The following GNPAT variants were observed in gnomAD, a reference collection of about 807,000 sequenced individuals.
The protein encoded by GNPAT is glyceronephosphate O-acyltransferase.
A neutral mutation model predicts 78.4 loss-of-function variants in GNPAT; 30 were observed. The observed-to-expected ratio is 0.38, with a 90% CI of 0.29 to 0.52. The LOEUF (loss-of-function observed/expected upper bound fraction) is 0.52. Among genes scored for constraint, GNPAT ranks in the 20% least tolerant of loss-of-function variants. The probability of loss-of-function intolerance (pLI) is 0.84; values close to 1 mark genes in which losing one functional copy is unlikely to be tolerated. For missense variants in GNPAT, 714 were observed against 812.2 expected, an observed-to-expected ratio of 0.88 and a Z score of 1.47; for synonymous variants, 271 against 281.1, an observed-to-expected ratio of 0.96 and a Z score of 0.36.
At chr1:231,259,775 C>T (rs142288435) in intron 2 of GNPAT, among the ~76,000 whole-genome samples, 151 of 152,158 alleles carry the variant, frequency 9.9e-4, no homozygotes, top group African/African-American at 3.4e-3. Flanking sequence ...CTGAGCTCAT[C>T]CTAAAGCAAA....
Position 231,260,641 on chromosome 1 carries a change from A to G in GNPAT, c.396A>G (p.Gln132=), listed in dbSNP as rs2102813286. 6 of 1,613,328 alleles carry G rather than the reference A, an allele frequency of 3.7e-6. No homozygotes were observed. Among genetic ancestry groups the G allele is most frequent in the Middle Eastern group, 3.3e-4 (2 of 6,060 alleles). ...CAFTLSKVFK[Q]IFSKVCVNEE... ...TCACCCTGAGCAAAGTATTTAAACA[A>G]ATTTTCTCGAAGGTGTGTGTAAATG... Residue 132 remains glutamine, a synonymous_variant, in exon 3 of 16, where the codon CAA becomes CAG. Transcript: ENST00000366647.
chr1:231,251,023 C>G lies in GNPAT; in HGVS notation c.141C>G (p.Asp47Glu). 1 of 1,609,318 alleles carries G rather than the reference C, an allele frequency of 6.2e-7. No homozygotes were observed. The highest frequency in any genetic ancestry group is 1.1e-5 in the South Asian group (1 of 90,994). Residue 47 changes from aspartate to glutamate, a missense_variant, in exon 2 of 16, where the codon GAC (aspartate) becomes GAG (glutamate). Asp to Glu is a conservative substitution (Grantham distance 45). Transcript: ENST00000366647. Reference sequence around the variant, plus strand: ...TAGAAGAGAGGAGGCATGTCAGTGACTTGAAATTTGCAATGAAATGCTACA... The same window carrying G: ...TAGAAGAGAGGAGGCATGTCAGTGAGTTGAAATTTGCAATGAAATGCTACA... ...DILEERRHVSDLKFAMKCYTP... is the reference protein window; with the variant it reads ...DILEERRHVSELKFAMKCYTP...
rs10693276 is a variant in GNPAT at position 231,256,479 on chromosome 1, C to CTTTTTTTT, written c.262-4010_262-4003dup. ...CAGTCACTAAGACTGCTAATTTTCT[C>CTTTTTTTT]TTTTTTTTTTTTTTTTTTTTTTTTT... On this transcript the variant is annotated intron_variant, in intron 2 of 15. Transcript: ENST00000366647. Among the ~76,000 whole-genome samples, 45 of 75,912 alleles carry CTTTTTTTT rather than the reference C, an allele frequency of 5.9e-4. 2 individuals carry two copies. The highest frequency in any genetic ancestry group is 1.1e-3 in the African/African-American group (19 of 17,866). 49.8% of individuals were successfully genotyped at this position (75,912 alleles called of 152,430 possible).
intron 8 of GNPAT, 57 bp downstream of exon 8, chr1:231,266,464 G>C: frequency 7.0e-7 from 1 of 1,419,302 alleles, no homozygotes; most frequent in Non-Finnish European, 1.0e-6. Context: ...CCAAAGGTGT[G>C]AGTTGCAATG....
chr1:231,275,289 C>G lies in GNPAT; in HGVS notation c.1812C>G (p.Val604=). 6.2e-7 allele frequency: 1 copy of G among 1,612,720 alleles called. No individual in the cohort carries two copies. Among genetic ancestry groups the G allele is most frequent in the Non-Finnish European group, 8.5e-7 (1 of 1,178,658 alleles). The change falls in exon 13 of 16, where the codon GTC becomes GTG. Residue 604 remains valine (V), a synonymous_variant. Coordinates refer to ENST00000366647, the MANE Select transcript of GNPAT (RefSeq NM_014236.4). ...GTGAGGAACAGTACTTGGCTGCAGT[C>G]AGAAAATTCACAAGTCAGCTTCTCG... ...HFSEEQYLAA[V]RKFTSQLLDQ...
chr1:231,260,290 G>T (rs1341904952), intron 2 of GNPAT, among the ~76,000 whole-genome samples: 2 of 152,102 alleles, frequency 1.3e-5, no homozygotes, highest in Non-Finnish European at 2.9e-5. Flanking sequence ...TGCTATCCTA[G>T]AAAGCCATTT....
intron 2 of GNPAT, among the ~76,000 whole-genome samples, chr1:231,258,626 T>TTTTC (rs1685131783): frequency 8.4e-6 from 1 of 118,676 alleles, no homozygotes; most frequent in Non-Finnish European, 1.8e-5. Context: ...AATGCAATTT[T>TTTTC]TTTTTTTTTT....
chr1:231,245,208 C>T (rs190544921), intron 1 of GNPAT, among the ~76,000 whole-genome samples: 4 of 152,046 alleles, frequency 2.6e-5, no homozygotes, highest in Admixed American at 6.6e-5. Context: ...CATTAGTTGC[C>T]TAATTTTCTT....
intron 9 of GNPAT, chr1:231,269,997 A>G (rs968936569): frequency 2.6e-5 from 4 of 152,692 alleles, no homozygotes; most frequent in African/African-American, 9.6e-5. Context: ...GGAGGAAGCC[A>G]TACCTCTCAC....
At chr1:231,263,785 T>C (rs1307232800) in intron 4 of GNPAT, among the ~76,000 whole-genome samples, 1 of 152,192 alleles carries the variant, frequency 6.6e-6, no homozygotes, top group East Asian at 1.9e-4. Flanking sequence ...TATAATAATT[T>C]TAATGAGTGT....
intron 4 of GNPAT, among the ~76,000 whole-genome samples, chr1:231,263,585 AT>A (rs1685284691): frequency 6.6e-6 from 1 of 152,008 alleles, no homozygotes; most frequent in African/African-American, 2.4e-5. Flanking sequence ...CCTGCTTTCC[AT>A]TTTTTTATAT....
intron 1 of GNPAT, among the ~76,000 whole-genome samples, chr1:231,247,427 G>C (rs10495306): frequency 0.056 from 8,504 of 152,222 alleles, 341 homozygotes; most frequent in Non-Finnish European, 0.082. Context: ...AAGTGTTTTA[G>C]AGACCATCTT....
chr1:231,245,721 G>A (rs1415874955), intron 1 of GNPAT, among the ~76,000 whole-genome samples: 1 of 152,226 alleles, frequency 6.6e-6, no homozygotes, highest in Non-Finnish European at 1.5e-5. Context: ...TGTAATCCCA[G>A]CACTTTGGGA....
At chr1:231,256,479 C>CTTTTTTTTTT (rs10693276) in intron 2 of GNPAT, among the ~76,000 whole-genome samples, 9 of 75,916 alleles carry the variant, frequency 1.2e-4, no homozygotes, top group Admixed American at 2.0e-4. Flanking sequence ...CTAATTTTCT[C>CTTTTTTTTTT]TTTTTTTTTT....
intron 11 of GNPAT, 151 bp from the exon 12 acceptor site, chr1:231,273,771 A>G (rs1685632881): frequency 4.4e-6 from 3 of 679,940 alleles, no homozygotes; most frequent in African/African-American, 3.6e-5. Flanking sequence ...AGGTTGGGGA[A>G]ATAGCTGGTA....
Position 231,260,549 on chromosome 1 carries a change from G to T in GNPAT, c.304G>T (p.Glu102Ter). Residue 102 changes from glutamate (E) to a stop codon, truncating the protein, a stop_gained, in exon 3 of 16, where the codon GAA becomes TAA. Coordinates refer to ENST00000366647, the MANE Select transcript of GNPAT (RefSeq NM_014236.4). LOFTEE classifies it high-confidence loss of function. ...SLQSVDVLRE[E>*]VSEILDEMSH... ...TCAATCTGTGGATGTCCTCCGAGAG[G>T]AAGTGAGTGAGATCTTAGATGAAAT... The T allele has an allele frequency of 6.2e-7, 1 of 1,611,698 alleles. No homozygotes were observed. The highest frequency in any genetic ancestry group is 8.5e-7 in the Non-Finnish European group (1 of 1,177,822).
chr1:231,241,568 G>A, intron 1 of GNPAT, 112 bp downstream of exon 1: 3 of 810,890 alleles, frequency 3.7e-6, no homozygotes, highest in South Asian at 1.4e-5. Flanking sequence ...CTGGCCCCTA[G>A]GCTCCCGAGG....
Position 231,270,909 on chromosome 1 carries a change from G to T in GNPAT, c.1431G>T (p.Met477Ile). Residue 477 changes from methionine to isoleucine, a missense_variant, in exon 10 of 16, where the codon ATG (methionine) becomes ATT (isoleucine). Coordinates refer to ENST00000366647, the MANE Select transcript of GNPAT (RefSeq NM_014236.4). ...GLMLQHITLL[M>I]CSAYRNQLLN... The stretch of plus-strand genomic sequence containing the variant: ...TGCTCCAGCACATCACTCTCCTCAT[G>T]TGCTCAGCTTATAGGAACCAGCTGC... 1 of 1,614,150 alleles carries T rather than the reference G, an allele frequency of 6.2e-7. No homozygotes were observed.
At chr1:231,265,535 A>T (rs1475421050) in intron 5 of GNPAT, 115 bp downstream of exon 5, 5 of 965,656 alleles carry the variant, frequency 5.2e-6, no homozygotes, top group Non-Finnish European at 8.5e-6. Context: ...TCCCTCAAGA[A>T]CTGCTTATAA....
Sources: gnomAD v4.1 joint callset for allele counts (sites outside exome capture counted in the v4.1 genomes callset) on GRCh38, gnomAD v4.1.1 for gene constraint, MANE v1.5 for transcripts, NCBI Gene and HGNC (gene_info 2026-07-23, HGNC 2026-07-21) for gene names.